TBC1D8B: variants seen among roughly 807,000 people sequenced by gnomAD.
TBC1D8B encodes RP11-321G1.1.
TBC1D8B carries 75 observed loss-of-function variants against 82.9 expected under a neutral mutation model. That is an observed-to-expected ratio of 0.90 (90% confidence interval 0.75 to 1.10). The LOEUF is 1.10. Among genes scored for constraint, TBC1D8B ranks in the 50% least tolerant of loss-of-function variants. TBC1D8B has a pLI of 0.00. For missense variants in TBC1D8B, 794 were observed against 796.9 expected, an observed-to-expected ratio of 1.00 and a Z score of 0.04; for synonymous variants, 276 against 276.8, an observed-to-expected ratio of 1.00 and a Z score of 0.03.
At chrX:106,856,909 G>A (rs932597051) in intron 14 of TBC1D8B, among the ~76,000 whole-genome samples, 1 of 110,436 alleles carries the variant, frequency 9.1e-6, no homozygotes, top group Non-Finnish European at 1.9e-5. Flanking sequence ...TATTGGCTGT[G>A]TGTGTAAAAG....
At position 106,823,231 on chromosome X, in the gene TBC1D8B, C is replaced by T; in HGVS notation, c.592C>T (p.Leu198Phe). 1 of 1,205,001 alleles carries T rather than the reference C, an allele frequency of 8.3e-7. No individual in the cohort carries two copies. Among genetic ancestry groups the T allele is most frequent in the Non-Finnish European group, 1.1e-6 (1 of 891,134 alleles). Reference protein sequence around the residue: ...YSFLLGSEIKLIISWDEVSKL... With the variant: ...YSFLLGSEIKFIISWDEVSKL... The stretch of plus-strand genomic sequence containing the variant: ...CTTATACCTCTTATTTGCAGTAAAA[C>T]TCATTATCTCCTGGGATGAAGTCTC... Residue 198 changes from leucine to phenylalanine, a missense_variant, in exon 5 of 21, where the codon CTC (leucine) becomes TTC (phenylalanine). Coordinates refer to ENST00000357242, the MANE Select transcript of TBC1D8B (RefSeq NM_017752.3).
chrX:106,805,897 C>G (rs1416687107), intron 1 of TBC1D8B, among the ~76,000 whole-genome samples: 2 of 112,443 alleles, frequency 1.8e-5, no homozygotes, highest in Non-Finnish European at 3.8e-5. Context: ...TTGCTAAAAT[C>G]CAGTGTTATG....
At position 106,853,749 on chromosome X, in the gene TBC1D8B, A is replaced by G. The variant is rs768607084; in HGVS notation, c.2253+99A>G. Reference sequence around the variant, plus strand: ...TATATTAAGTGTAAGATAATAATGCAAGTAGACATACAACTTAAAATCCAA... The same window carrying G: ...TATATTAAGTGTAAGATAATAATGCGAGTAGACATACAACTTAAAATCCAA... On this transcript the variant is annotated intron_variant, in intron 13 of 20. Transcript: ENST00000357242. 240 of 862,446 alleles carry G rather than the reference A, an allele frequency of 2.8e-4. 1 individual carries two copies. The East Asian group carries it at 7.6e-3, about 27-fold the overall frequency. 71.1% of individuals were successfully genotyped at this position (862,446 alleles called of 1,213,427 possible).
rs138429712 is a variant in TBC1D8B, at chrX:106,802,916, G to T, written c.63G>T (p.Arg21Ser). Residue 21 changes from arginine to serine, a missense_variant, in exon 1 of 21, where the codon AGG (arginine) becomes AGT (serine). Physicochemically the swap from Arg to Ser is moderately radical, Grantham distance 110. Coordinates refer to ENST00000357242, the MANE Select transcript of TBC1D8B (RefSeq NM_017752.3). ...KNALKLWLME[R>S]SNDYFVLQRR... ...CGCTGAAGCTGTGGCTGATGGAAAG[G>T]TCCAACGACTACTTCGTGCTGCAGC... 3.3e-6 allele frequency: 4 copies of T among 1,209,670 alleles called. No individual in the cohort carries two copies. The African/African-American group carries it at 7.0e-5, about 21-fold the overall frequency.
In TBC1D8B at chrX:106,861,038, CA is replaced by C. The variant is rs201414527; in HGVS notation, c.2353-4519del. On this transcript the variant is annotated intron_variant, in intron 14 of 20. Transcript: ENST00000357242. ...TTTTATGTGATTATATGGTTTTGAG[CA>C]ATCTTCTTAGTATTTATTTTCATTT... Among the ~76,000 whole-genome samples the C allele has an allele frequency of 8.3e-3, 925 of 111,769 alleles. 30 individuals are homozygous for C. In the East Asian group the frequency reaches 0.13, roughly 15 times the overall value.
At chrX:106,804,294 T>C (rs1242227435) in intron 1 of TBC1D8B, among the ~76,000 whole-genome samples, 2 of 111,118 alleles carry the variant, frequency 1.8e-5, no homozygotes, top group Non-Finnish European at 3.8e-5. Context: ...GTTATTTCGT[T>C]TTCAAGCCAC....
At chrX:106,871,226 GT>G (rs1430624088) in intron 20 of TBC1D8B, among the ~76,000 whole-genome samples, 1 of 110,988 alleles carries the variant, frequency 9.0e-6, no homozygotes, top group African/African-American at 3.3e-5. Flanking sequence ...ATAATTTTAA[GT>G]TCATCTCTTT....
At chrX:106,834,550 T>A (rs978501224) in intron 7 of TBC1D8B, among the ~76,000 whole-genome samples, 15 of 111,414 alleles carry the variant, frequency 1.3e-4, no homozygotes, top group African/African-American at 4.9e-4. Context: ...AAAGTCTTAA[T>A]TCATTCCCAT....
chrX:106,803,641 T>A (rs1402289326), intron 1 of TBC1D8B, among the ~76,000 whole-genome samples: 5 of 111,737 alleles, frequency 4.5e-5, no homozygotes, highest in African/African-American at 1.6e-4. Flanking sequence ...TCGTAATAAA[T>A]TAATCTCTTG....
chrX:106,849,143 CT>C, intron 11 of TBC1D8B: 1 of 747,938 alleles, frequency 1.3e-6, no homozygotes, highest in Non-Finnish European at 1.9e-6. Flanking sequence ...TATGAATGGT[CT>C]CTTTGTACCG....
chrX:106,841,531 G>A (rs914019090), intron 10 of TBC1D8B, among the ~76,000 whole-genome samples: 1 of 111,714 alleles, frequency 9.0e-6, no homozygotes, highest in Non-Finnish European at 1.9e-5. Flanking sequence ...AAGGTAGATT[G>A]GGATAGAGCT....
chrX:106,818,948 T>G (rs1006499008), intron 2 of TBC1D8B, among the ~76,000 whole-genome samples, 175 bp downstream of exon 2: 2 of 108,687 alleles, frequency 1.8e-5, no homozygotes, highest in East Asian at 2.9e-4. Context: ...TTATTAAGTT[T>G]TTTTTTTTTT....
intron 10 of TBC1D8B, among the ~76,000 whole-genome samples, chrX:106,844,762 G>A (rs1035671031): frequency 9.1e-6 from 1 of 109,895 alleles, no homozygotes; most frequent in African/African-American, 3.3e-5. Flanking sequence ...GTTGGATAGC[G>A]TTTCCTCCTT....
At chrX:106,858,360 C>T (rs1379080578) in intron 14 of TBC1D8B, among the ~76,000 whole-genome samples, 1 of 111,883 alleles carries the variant, frequency 8.9e-6, no homozygotes, top group Non-Finnish European at 1.9e-5. Context: ...GCAAGCTCCG[C>T]CTCCCAGGTT....
chrX:106,861,492 TTTG>T (rs1162115169), intron 14 of TBC1D8B, among the ~76,000 whole-genome samples: 1 of 111,863 alleles, frequency 8.9e-6, no homozygotes, highest in Admixed American at 9.5e-5. Context: ...TTTGTTTTGT[TTTG>T]TTGTTGTTGT....
At position 106,870,760 on chromosome X, in the gene TBC1D8B, G is replaced by C. The variant is rs370115009; in HGVS notation, c.2914G>C (p.Asp972His). Reference protein sequence around the residue: ...DIQAYLSQWQDELFKKEENIK... With the variant: ...DIQAYLSQWQHELFKKEENIK... ...TCAAGCATATCTAAGTCAATGGCAA[G>C]ATGAGCTTTTCAAAAAAGAAGAAAA... Residue 972 changes from aspartate (D) to histidine (H), a missense_variant, in exon 20 of 21, where the codon GAT becomes CAT. Asp to His is a moderately conservative substitution (Grantham distance 81, BLOSUM62 -1). Transcript: ENST00000357242. 36 of 1,205,317 alleles carry C rather than the reference G, an allele frequency of 3.0e-5. No individual in the cohort carries two copies. Among genetic ancestry groups the C allele is most frequent in the Non-Finnish European group, 3.9e-5 (35 of 892,715 alleles).
intron 7 of TBC1D8B, among the ~76,000 whole-genome samples, chrX:106,832,856 G>C (rs1249725625): frequency 9.0e-6 from 1 of 111,021 alleles, no homozygotes; most frequent in Non-Finnish European, 1.9e-5. Flanking sequence ...CAACATAACT[G>C]ATTTTTTCTT....
At chrX:106,851,609 C>T (rs1932587495) in intron 12 of TBC1D8B, among the ~76,000 whole-genome samples, 1 of 109,746 alleles carries the variant, frequency 9.1e-6, no homozygotes, top group African/African-American at 3.3e-5. Context: ...GTTCCCCTTC[C>T]TGTGTCCATG....
chrX:106,872,314 C>G (rs1378771678), intron 20 of TBC1D8B, among the ~76,000 whole-genome samples: 1 of 67,333 alleles, frequency 1.5e-5, no homozygotes, highest in African/African-American at 6.5e-5. Context: ...GAGCGAAACT[C>G]TGTCAAAAAG....
Sources: gnomAD v4.1 joint callset for allele counts (sites outside exome capture counted in the v4.1 genomes callset) on GRCh38, gnomAD v4.1.1 for gene constraint, MANE v1.5 for transcripts, NCBI Gene and HGNC (gene_info 2026-07-23, HGNC 2026-07-21) for gene names.